The following CNTLN variants were observed in gnomAD, a reference collection of about 807,000 sequenced individuals.
The protein encoded by CNTLN is centlein.
Under a neutral mutation model 180.0 loss-of-function variants are expected in CNTLN, and 212 were observed. The observed-to-expected ratio is 1.18, with a 90% confidence interval of 1.05 to 1.32. CNTLN has a LOEUF of 1.32. CNTLN is among the 40% of genes most tolerant of loss of function. The pLI is 0.00. For missense variants in CNTLN, 2,095 were observed against 1,610.9 expected, an observed-to-expected ratio of 1.30 and a Z score of -5.14; for synonymous variants, 722 against 563.1, an observed-to-expected ratio of 1.28 and a Z score of -3.99.
intron 24 of CNTLN, 39 bp downstream of exon 24, chr9:17,484,519 A>G: frequency 3.4e-6 from 5 of 1,476,724 alleles, no homozygotes; most frequent in East Asian, 2.3e-5. Flanking sequence ...AGGGTTTATT[A>G]TACACTGGAC....
At chr9:17,434,043 C>T (rs554651747) in intron 18 of CNTLN, among the ~76,000 whole-genome samples, 1 of 152,260 alleles carries the variant, frequency 6.6e-6, no homozygotes, top group South Asian at 2.1e-4. Context: ...GTAAACTCTA[C>T]TTAATGATAT....
intron 15 of CNTLN, among the ~76,000 whole-genome samples, chr9:17,402,251 G>C (rs143616009): frequency 1.1e-3 from 171 of 151,880 alleles, no homozygotes; most frequent in Non-Finnish European, 1.6e-3. Context: ...AAATAGGAAG[G>C]CATAGCCAAA....
intron 8 of CNTLN, among the ~76,000 whole-genome samples, chr9:17,323,263 T>C (rs1260821386): frequency 6.6e-6 from 1 of 152,102 alleles, no homozygotes; most frequent in Non-Finnish European, 1.5e-5. Context: ...AACCCAAAGG[T>C]AGTCATACAT....
At chr9:17,226,987 G>T (rs1200483671) in intron 3 of CNTLN, among the ~76,000 whole-genome samples, 1 of 151,608 alleles carries the variant, frequency 6.6e-6, no homozygotes, top group Admixed American at 6.6e-5. Flanking sequence ...CAACGTGCAG[G>T]TTTGTTACAT....
chr9:17,357,450 G>A (rs1225511716), intron 12 of CNTLN, among the ~76,000 whole-genome samples: 1 of 151,266 alleles, frequency 6.6e-6, no homozygotes, highest in African/African-American at 2.4e-5. Flanking sequence ...CCCTTAGGTT[G>A]TATTCAGACA....
chr9:17,184,382 A>T (rs1821305397), intron 2 of CNTLN, among the ~76,000 whole-genome samples: 1 of 152,170 alleles, frequency 6.6e-6, no homozygotes, highest in African/African-American at 2.4e-5. Context: ...GGTAGTTAAA[A>T]TCAGAAGCAA....
At chr9:17,151,777 A>G (rs1471398787) in intron 2 of CNTLN, among the ~76,000 whole-genome samples, 2 of 152,136 alleles carry the variant, frequency 1.3e-5, no homozygotes, top group African/African-American at 2.4e-5. Context: ...TCGGCTGTGA[A>G]TCCATCTAGT....
downstream of CNTLN, among the ~76,000 whole-genome samples, chr9:17,507,790 A>G (rs748415437): frequency 4.6e-5 from 7 of 152,182 alleles, no homozygotes; most frequent in Non-Finnish European, 1.0e-4. Context: ...TAGACACTAC[A>G]AACACTTCTG....
At chr9:17,342,045 C>T (rs985420011) in intron 11 of CNTLN, among the ~76,000 whole-genome samples, 8 of 152,024 alleles carry the variant, frequency 5.3e-5, no homozygotes, top group African/African-American at 1.7e-4. Context: ...TCTACAGTGT[C>T]TGTTTTCATT....
At chr9:17,394,055 A>T (rs1826305764) in intron 14 of CNTLN, among the ~76,000 whole-genome samples, 1 of 152,182 alleles carries the variant, frequency 6.6e-6, no homozygotes, top group Non-Finnish European at 1.5e-5. Flanking sequence ...CCACATGACT[A>T]CTAAAATTAC....
intron 18 of CNTLN, among the ~76,000 whole-genome samples, chr9:17,436,900 C>A (rs564789896): frequency 6.6e-6 from 1 of 152,144 alleles, no homozygotes; most frequent in Non-Finnish European, 1.5e-5. Flanking sequence ...TTTTACCTTA[C>A]CCCAATAGTT....
intron 18 of CNTLN, among the ~76,000 whole-genome samples, chr9:17,440,421 C>CAA (rs528636729): frequency 0.019 from 1,452 of 75,650 alleles, 34 homozygotes; most frequent in African/African-American, 0.059. Flanking sequence ...AAATAAAATA[C>CAA]AAAAAAAAAA....
At chr9:17,352,776 A>G (rs1454260837) in intron 12 of CNTLN, among the ~76,000 whole-genome samples, 1 of 152,124 alleles carries the variant, frequency 6.6e-6, no homozygotes, top group Non-Finnish European at 1.5e-5. Context: ...GGATTTACCT[A>G]TTTTGAATAT....
In CNTLN at chr9:17,299,444, A is replaced by C. The variant is rs907587672; in HGVS notation, c.1146+1092A>C. 30 of 976,546 alleles carry C rather than the reference A, an allele frequency of 3.1e-5. No individual in the cohort carries two copies. The African/African-American group carries it at 5.1e-4, about 17-fold the overall frequency. The allele number at this position is 976,546 out of a possible 1,614,324, so 60.5% of individuals were successfully genotyped here. Reference sequence around the variant, plus strand: ...TAGAATTACTGGATTTTTACTTCTGATCTTACTTTTCTAAAAAATCACTGT... The same window carrying C: ...TAGAATTACTGGATTTTTACTTCTGCTCTTACTTTTCTAAAAAATCACTGT... On this transcript the variant is annotated intron_variant, in intron 7 of 25. Transcript: ENST00000380647.
rs142072634 is a variant in CNTLN, at chr9:17,268,988, G to C, written c.850-4745G>C. ...AACTCCCTGACCCCTTGTGCTTCCC[G>C]AGTTAGGCCATGCCTCGCCCTGCTC... On this transcript the variant is annotated intron_variant, in intron 5 of 25. Transcript: ENST00000380647. Among the ~76,000 whole-genome samples, 467 of 152,122 alleles carry C rather than the reference G, an allele frequency of 3.1e-3. 6 individuals are homozygous for C. The highest frequency in any genetic ancestry group is 0.011 in the African/African-American group (448 of 41,500).
downstream of CNTLN, among the ~76,000 whole-genome samples, chr9:17,504,658 C>T (rs1833899284): frequency 6.6e-6 from 1 of 152,006 alleles, no homozygotes; most frequent in African/African-American, 2.4e-5. Context: ...TAGGAAGAGT[C>T]AGAGAGAGAG....
At chr9:17,267,110 G>T (rs11535436) in intron 5 of CNTLN, among the ~76,000 whole-genome samples, 29,793 of 151,916 alleles carry the variant, frequency 0.2, 3,570 homozygotes, top group African/African-American at 0.33. Context: ...TTGCTCGTTA[G>T]TTGATGCAGT....
chr9:17,315,607 A>G (rs1403815293), intron 8 of CNTLN, among the ~76,000 whole-genome samples: 1 of 151,986 alleles, frequency 6.6e-6, no homozygotes, highest in Admixed American at 6.6e-5. Context: ...GATTCCAATT[A>G]CACACATATT....
chr9:17,522,804 C>T, the CNTLN span, among the ~76,000 whole-genome samples: 5 of 152,268 alleles, frequency 3.3e-5, no homozygotes, highest in South Asian at 8.3e-4. Context: ...GTGTATCCAA[C>T]GCTGCCCCCT....
Sources: allele counts gnomAD v4.1 joint callset (sites outside exome capture counted in the v4.1 genomes callset), GRCh38; gene constraint gnomAD v4.1.1; transcripts MANE v1.5; gene names NCBI Gene and HGNC (gene_info 2026-07-23, HGNC 2026-07-21).